Variants in PCDHGB6 observed in about 807,000 individuals in gnomAD.
The protein encoded by PCDHGB6 is protocadherin gamma-B6.
PCDHGB6 carries 51 observed loss-of-function variants against 59.1 expected under a neutral mutation model. The ratio of observed to expected loss-of-function variants is 0.86; its 90% CI spans 0.69 to 1.09. PCDHGB6 has a LOEUF of 1.09. Ranked by LOEUF, PCDHGB6 falls within the 50% of genes least tolerant of loss-of-function variation. The pLI is 0.00. For synonymous variants in PCDHGB6, 466 were observed against 495.1 expected (o/e 0.94, Z 0.78); for missense variants, 1,148 against 1,205.1 (o/e 0.95, Z 0.70).
chr5:141,494,643 AG>A, intron 1 of PCDHGB6, 163 bp from the exon 2 acceptor site: 1 of 928,048 alleles, frequency 1.1e-6, no homozygotes, highest in Non-Finnish European at 1.3e-6. Flanking sequence ...CTGAGACCTG[AG>A]GTGTATTTTG....
intron 1 of PCDHGB6, chr5:141,418,580 G>A: frequency 1.2e-5 from 20 of 1,614,018 alleles, no homozygotes; most frequent in Non-Finnish European, 1.7e-5. Flanking sequence ...CAACCCCCCA[G>A]TGTTCAGCCA....
At chr5:141,473,884 G>T (rs1162382168) in intron 1 of PCDHGB6, among the ~76,000 whole-genome samples, 1 of 152,162 alleles carries the variant, frequency 6.6e-6, no homozygotes, top group African/African-American at 2.4e-5. Context: ...ATACACAAGG[G>T]TTCTGTTGGT....
chr5:141,444,377 G>A (rs1035830834), intron 1 of PCDHGB6, among the ~76,000 whole-genome samples: 3 of 151,802 alleles, frequency 2.0e-5, no homozygotes, highest in Non-Finnish European at 4.4e-5. Context: ...CTCCATGTTG[G>A]TCAGGCTAGT....
intron 1 of PCDHGB6, among the ~76,000 whole-genome samples, chr5:141,436,998 A>T (rs985067199): frequency 6.6e-6 from 1 of 152,242 alleles, no homozygotes; most frequent in African/African-American, 2.4e-5. Context: ...GTTTACTTCA[A>T]TGGGATCTTA....
At chr5:141,473,283 A>G (rs2099318531) in intron 1 of PCDHGB6, among the ~76,000 whole-genome samples, 1 of 152,324 alleles carries the variant, frequency 6.6e-6, no homozygotes, top group Non-Finnish European at 1.5e-5. Flanking sequence ...TTATTTTACT[A>G]TGTCAGTAGC....
intron 1 of PCDHGB6, chr5:141,441,867 GCCTGGCTA>G (rs2098280856): frequency 1.2e-5 from 4 of 345,682 alleles, no homozygotes; most frequent in Non-Finnish European, 2.3e-5. Flanking sequence ...ACGCCGCGGA[GCCTGGCTA>G]CCTGGTCACC....
intron 1 of PCDHGB6, chr5:141,415,818 A>G: frequency 2.3e-6 from 3 of 1,325,056 alleles, no homozygotes; most frequent in Middle Eastern, 2.8e-4. Context: ...CCTATATATC[A>G]TAAGGCTTTG....
chr5:141,506,645 A>G (rs1229614297), intron 3 of PCDHGB6, among the ~76,000 whole-genome samples: 3 of 152,188 alleles, frequency 2.0e-5, no homozygotes, highest in African/African-American at 7.2e-5. Context: ...CCCTCAGCAC[A>G]GGATTGGCAG....
chr5:141,509,143 C>G (rs1022878562), intron 3 of PCDHGB6, among the ~76,000 whole-genome samples: 1 of 152,256 alleles, frequency 6.6e-6, no homozygotes, highest in African/African-American at 2.4e-5. Context: ...AGGCGCATCC[C>G]GGCTCTCCCC....
Position 141,487,315 on chromosome 5 carries a change from G to T in PCDHGB6, c.2419-7492G>T, listed in dbSNP as rs568326280. 11 of 1,614,166 alleles carry T rather than the reference G, an allele frequency of 6.8e-6. No individual in the cohort carries two copies. In the South Asian group the frequency reaches 1.2e-4, roughly 18 times the overall value. ...GCTCATTCGTGGCACTACTCTCTAA[G>T]TGTCTTCGTGGGGCAGCCTGTGGAG... On this transcript the variant is annotated intron_variant, in intron 1 of 3. Transcript: ENST00000520790. The surrounding 1 kb of genome is among the most constrained non-coding windows in gnomAD (Gnocchi z 5.0).
chr5:141,426,887 G>A (rs1309180455), intron 1 of PCDHGB6: 1 of 456,646 alleles, frequency 2.2e-6, no homozygotes, highest in Non-Finnish European at 4.4e-6. Context: ...TGGGCCAGGA[G>A]CAACAGAGCT....
rs146860480 is a variant in PCDHGB6 at position 141,474,581 on chromosome 5, T to G, written c.2419-20226T>G. ...GGTTTTCAGAGATTAATTGAAGTGTTAAAGACATGGAAATATAGGTCACAT... is the reference window on the plus strand; with the variant it reads ...GGTTTTCAGAGATTAATTGAAGTGTGAAAGACATGGAAATATAGGTCACAT... On this transcript the variant is annotated intron_variant, in intron 1 of 3. Transcript: ENST00000520790. Among the ~76,000 whole-genome samples the G allele has an allele frequency of 7.1e-4, 108 of 152,358 alleles. No homozygotes were observed. The East Asian group carries it at 0.015, about 21-fold the overall frequency.
At chr5:141,415,504 C>A in intron 1 of PCDHGB6, 2 of 1,614,216 alleles carry the variant, frequency 1.2e-6, no homozygotes, top group Non-Finnish European at 1.7e-6. Context: ...CTTCCCCCAG[C>A]CCAATTATGC....
chr5:141,470,444 A>G (rs970120314), intron 1 of PCDHGB6, among the ~76,000 whole-genome samples: 8 of 152,222 alleles, frequency 5.3e-5, no homozygotes, highest in African/African-American at 1.9e-4. Context: ...ATAATTTAAT[A>G]GCATCTTGAA....
At position 141,511,940 on chromosome 5, in the gene PCDHGB6, G is replaced by A. The variant is rs2099884015; in HGVS notation, c.*767G>A. 1 of 154,118 alleles carries A rather than the reference G, an allele frequency of 6.5e-6. No homozygotes were observed. The highest frequency in any genetic ancestry group is 1.9e-4 in the East Asian group (1 of 5,214). 9.5% of individuals were successfully genotyped at this position (154,118 alleles called of 1,614,324 possible). ...TCCACTGCATGTTCCAAGACAGTAT[G>A]GGGTGGTAAGATAAGGAAGGGAAGT... On this transcript the variant is annotated 3_prime_UTR_variant, in exon 4 of 4. Coordinates refer to ENST00000520790, the MANE Select transcript of PCDHGB6 (RefSeq NM_018926.3).
In PCDHGB6 at chr5:141,410,478, C is replaced by T. The variant is rs767257836; in HGVS notation, c.2276C>T (p.Thr759Met). 3 of 1,613,992 alleles carry T rather than the reference C, an allele frequency of 1.9e-6. No individual in the cohort carries two copies. The highest frequency in any genetic ancestry group is 2.5e-6 in the Non-Finnish European group (3 of 1,179,888). Residue 759 changes from threonine (T) to methionine (M), a missense_variant, in exon 1 of 4, where the codon ACG becomes ATG. By Grantham distance (81) the Thr-to-Met change is moderately conservative (BLOSUM62 -1). Coordinates refer to ENST00000520790, the MANE Select transcript of PCDHGB6 (RefSeq NM_018926.3). Reference sequence around the variant, plus strand: ...TCTTATAATCTGTGCATTGCACATACGGGTACAAAAGAGTTTAATTTCCTA... The same window carrying T: ...TCTTATAATCTGTGCATTGCACATATGGGTACAAAAGAGTTTAATTTCCTA... ...PYSYNLCIAHTGTKEFNFLKC... is the reference protein window; with the variant it reads ...PYSYNLCIAHMGTKEFNFLKC...
intron 1 of PCDHGB6, chr5:141,478,484 C>A (rs376021397): frequency 1.2e-5 from 20 of 1,613,340 alleles, no homozygotes; most frequent in Non-Finnish European, 1.4e-5. Context: ...GAACACGCTG[C>A]GGAGCTGTGA....
intron 1 of PCDHGB6, chr5:141,412,359 A>G (rs2095550851): frequency 6.6e-6 from 1 of 152,226 alleles, no homozygotes; most frequent in Non-Finnish European, 1.5e-5. Flanking sequence ...GTTTGTGATT[A>G]CCTGCTTAAT....
In PCDHGB6 at chr5:141,418,344, T is replaced by C. The variant is rs746519142; in HGVS notation, c.2418+7724T>C. On this transcript the variant is annotated intron_variant, in intron 1 of 3. Transcript: ENST00000520790. ...CTTGAGTCTGCAGAAGATCCTGATA[T>C]TAGTATGAATTCGCTGAGCAAATAC... 4.3e-6 allele frequency: 7 copies of C among 1,613,890 alleles called. No individual in the cohort carries two copies. The highest frequency in any genetic ancestry group is 2.2e-5 in the South Asian group (2 of 91,086).
Sources: allele counts gnomAD v4.1 joint callset (sites outside exome capture counted in the v4.1 genomes callset), GRCh38; gene constraint gnomAD v4.1.1; non-coding constraint Gnocchi (gnomAD v3.1); transcripts MANE v1.5; gene names NCBI Gene and HGNC (gene_info 2026-07-23, HGNC 2026-07-21).